BCAR3: variants seen among roughly 807,000 people sequenced by gnomAD.
BCAR3 encodes the protein breast cancer anti-estrogen resistance protein 3.
Under a neutral mutation model 80.1 loss-of-function variants are expected in BCAR3, and 37 were observed. The observed-to-expected ratio is 0.46, with a 90% CI of 0.36 to 0.61. BCAR3 has a LOEUF of 0.61. Among genes scored for constraint, BCAR3 ranks in the 20% least tolerant of loss-of-function variants. The pLI, the probability that BCAR3 is intolerant of heterozygous loss-of-function variation, is 0.00. For missense variants in BCAR3, 978 were observed against 1,068.2 expected (o/e 0.92, Z 1.18); for synonymous variants, 389 against 418.9 (o/e 0.93, Z 0.87).
chr1:93,729,041 C>G (rs1237163557), intron 2 of BCAR3, among the ~76,000 whole-genome samples: 1 of 152,162 alleles, frequency 6.6e-6, no homozygotes, highest in African/African-American at 2.4e-5. Context: ...CACTAGGACA[C>G]TAACACATGG....
At position 93,705,013 on chromosome 1, in the gene BCAR3, G is replaced by C. The variant is rs534549033; in HGVS notation, c.-12+1079C>G. 4.5e-4 allele frequency among the ~76,000 whole-genome samples: 68 copies of C among 152,010 alleles called. 1 individual carries two copies. The highest frequency in any genetic ancestry group is 1.4e-3 in the Admixed American group (21 of 15,304). On this transcript the variant is annotated intron_variant, in intron 3 of 13. Coordinates refer to the BCAR3 transcript ENST00000370244. ...GCCAGTTTTTGCCAAGCCTTACCTA[G>C]TTCTGTTTAAAGCATCTTTTCTATA...
chr1:93,831,168 T>C (rs1404552374), intron 2 of BCAR3, among the ~76,000 whole-genome samples: 1 of 152,134 alleles, frequency 6.6e-6, no homozygotes, highest in Non-Finnish European at 1.5e-5. Context: ...CCTACCTTGG[T>C]CATTCACCCA....
chr1:93,577,328 T>C (rs1191151698), intron 7 of BCAR3, among the ~76,000 whole-genome samples: 3 of 152,126 alleles, frequency 2.0e-5, no homozygotes, highest in Non-Finnish European at 2.9e-5. Context: ...CCCCAGGCTA[T>C]CAAAACACAT....
chr1:93,659,221 C>G (rs1160752887), intron 2 of BCAR3, among the ~76,000 whole-genome samples: 1 of 152,104 alleles, frequency 6.6e-6, no homozygotes, highest in African/African-American at 2.4e-5. Context: ...TTGCTGTTGC[C>G]CAGGCTGGAG....
intron 7 of BCAR3, among the ~76,000 whole-genome samples, 180 bp from the exon 8 acceptor site, chr1:93,576,309 AC>A (rs1673455072): frequency 6.6e-6 from 1 of 152,206 alleles, no homozygotes; most frequent in Admixed American, 6.5e-5. Context: ...GTTTAAATAC[AC>A]ATAGTACAGT....
chr1:93,591,476 A>G (rs191628037), intron 4 of BCAR3, among the ~76,000 whole-genome samples: 16 of 152,132 alleles, frequency 1.1e-4, no homozygotes, highest in Admixed American at 2.6e-4. Context: ...CTCTGTCTCA[A>G]AAAAAAGAAA....
intron 2 of BCAR3, among the ~76,000 whole-genome samples, chr1:93,844,278 G>A (rs1286452829): frequency 6.6e-6 from 1 of 152,222 alleles, no homozygotes; most frequent in Non-Finnish European, 1.5e-5. Flanking sequence ...TTGCACTCCA[G>A]CCTGGGTGAT....
intron 2 of BCAR3, among the ~76,000 whole-genome samples, chr1:93,808,658 T>C (rs532844288): frequency 6.6e-6 from 1 of 152,312 alleles, no homozygotes; most frequent in African/African-American, 2.4e-5. Flanking sequence ...TACACAGTTT[T>C]CTAGTTTTGT....
At chr1:93,676,032 G>A (rs1648469888) in intron 1 of BCAR3, among the ~76,000 whole-genome samples, 1 of 151,550 alleles carries the variant, frequency 6.6e-6, no homozygotes, top group Non-Finnish European at 1.5e-5. Context: ...AGCACTGCAG[G>A]GTGGCCAAGC....
In BCAR3 at chr1:93,749,577, A is replaced by C. The variant is rs1413682348; in HGVS notation, c.-62-43435T>G. Among the ~76,000 whole-genome samples, 6 of 145,422 alleles carry C rather than the reference A, an allele frequency of 4.1e-5. No homozygotes were observed. In the South Asian group the frequency reaches 6.5e-4, roughly 16 times the overall value. Reference sequence around the variant, plus strand: ...GCACACCAGCCTGGGTGACAGAGCGAGACTCCGTCAAAAAAAAAAAAAAAA... The same window carrying C: ...GCACACCAGCCTGGGTGACAGAGCGCGACTCCGTCAAAAAAAAAAAAAAAA... On this transcript the variant is annotated intron_variant, in intron 2 of 13. Coordinates refer to the BCAR3 transcript ENST00000370244.
chr1:93,845,502 A>ATATATCTATATCTTGTCAAG, intron 2 of BCAR3: 1 of 113,826 alleles, frequency 8.8e-6, no homozygotes, highest in Non-Finnish European at 1.8e-5. Flanking sequence ...ATATATATAT[A>ATATATCTATATCTTGTCAAG]AAACTTTGTT....
chr1:93,627,771 A>C (rs543860038), intron 3 of BCAR3, among the ~76,000 whole-genome samples: 2 of 152,200 alleles, frequency 1.3e-5, no homozygotes, highest in Admixed American at 1.3e-4. Flanking sequence ...AAGTCACATA[A>C]CAAAAACTTT....
chr1:93,840,811 T>C (rs758244583), intron 2 of BCAR3, among the ~76,000 whole-genome samples: 1 of 152,238 alleles, frequency 6.6e-6, no homozygotes, highest in South Asian at 2.1e-4. Flanking sequence ...TCTGGTCTAA[T>C]GCAGAAGATA....
chr1:93,701,959 A>G (rs979499434), intron 3 of BCAR3, among the ~76,000 whole-genome samples: 3 of 152,000 alleles, frequency 2.0e-5, no homozygotes, highest in African/African-American at 4.8e-5. Context: ...GGGCTGAGTG[A>G]GTGTAGTGGA....
intron 2 of BCAR3, among the ~76,000 whole-genome samples, chr1:93,750,105 T>C (rs1450702088): frequency 2.0e-5 from 3 of 152,196 alleles, no homozygotes; most frequent in Admixed American, 6.5e-5. Flanking sequence ...AGAATCCAGG[T>C]GTGAGCTAAG....
chr1:93,816,036 T>C (rs1654004367), intron 2 of BCAR3, among the ~76,000 whole-genome samples: 1 of 152,126 alleles, frequency 6.6e-6, no homozygotes, highest in African/African-American at 2.4e-5. Context: ...GAACAAGAGG[T>C]ACGTATTCAG....
At chr1:93,827,947 G>A (rs1654427368) in intron 2 of BCAR3, among the ~76,000 whole-genome samples, 1 of 152,138 alleles carries the variant, frequency 6.6e-6, no homozygotes, top group Non-Finnish European at 1.5e-5. Context: ...CATGTCTCTT[G>A]CCCCTCATTC....
At chr1:93,714,377 C>T (rs1190096376) in intron 2 of BCAR3, among the ~76,000 whole-genome samples, 1 of 152,198 alleles carries the variant, frequency 6.6e-6, no homozygotes, top group Non-Finnish European at 1.5e-5. Context: ...GTCTAGGACA[C>T]CATCTTATTG....
upstream of BCAR3, chr1:93,847,519 G>A (rs1428043317): frequency 1.3e-5 from 2 of 152,922 alleles, no homozygotes; most frequent in African/African-American, 4.8e-5. Flanking sequence ...TCGGAAGAGC[G>A]CGGGGCCGTC....
Sources: allele counts gnomAD v4.1 joint callset (sites outside exome capture counted in the v4.1 genomes callset), GRCh38; gene constraint gnomAD v4.1.1; transcripts MANE v1.5; gene names NCBI Gene and HGNC (gene_info 2026-07-23, HGNC 2026-07-21).